Variants in CACNA1E observed in about 807,000 individuals in gnomAD.
CACNA1E encodes voltage-dependent R-type calcium channel subunit alpha-1E.
CACNA1E carries 40 observed loss-of-function variants against 259.2 expected under a neutral mutation model. The ratio of observed to expected loss-of-function variants is 0.15; its 90% CI spans 0.12 to 0.20. The LOEUF is 0.20. Ranked by LOEUF, CACNA1E falls within the 10% of genes least tolerant of loss-of-function variation. The pLI is 1.00. For missense variants in CACNA1E, 1,874 were observed against 3,040.1 expected (o/e 0.62, Z 9.02); for synonymous variants, 1,104 against 1,138.5 (o/e 0.97, Z 0.61).
intron 1 of CACNA1E, among the ~76,000 whole-genome samples, chr1:181,488,910 A>C (rs1405068656): frequency 6.6e-6 from 1 of 152,096 alleles, no homozygotes; most frequent in Non-Finnish European, 1.5e-5. Context: ...TTCCCCCTCA[A>C]ATTCTGCTGC....
At chr1:181,618,916 A>G (rs868320935) in intron 6 of CACNA1E, among the ~76,000 whole-genome samples, 1 of 152,256 alleles carries the variant, frequency 6.6e-6, no homozygotes, top group African/African-American at 2.4e-5. Flanking sequence ...CTAAAGTACT[A>G]CAAAAATTAT....
At position 181,711,048 on chromosome 1, in the gene CACNA1E, C is replaced by T. The variant is rs773379517; in HGVS notation, c.1150C>T (p.Arg384Cys). The T allele has an allele frequency of 4.3e-6, 7 of 1,613,532 alleles. No individual in the cohort carries two copies. The highest frequency in any genetic ancestry group is 2.2e-5 in the South Asian group (2 of 91,072). Residue 384 changes from arginine to cysteine, a missense_variant, in exon 8 of 48, where the codon CGT (arginine) becomes TGT (cysteine). Coordinates refer to ENST00000367573, the MANE Select transcript of CACNA1E (RefSeq NM_001205293.3). ...QQIERELNGYRAWIDKAEEVM... is the reference protein window; with the variant it reads ...QQIERELNGYCAWIDKAEEVM... ...GATTGAGCGTGAGCTGAATGGCTAC[C>T]GTGCCTGGATAGACAAAGCAGGTAG...
At chr1:181,378,944 A>G (rs1172954647) in intron 1 of CACNA1E, among the ~76,000 whole-genome samples, 1 of 152,132 alleles carries the variant, frequency 6.6e-6, no homozygotes, top group Non-Finnish European at 1.5e-5. Flanking sequence ...ATAAAGTAAA[A>G]TTCACAATGT....
At chr1:181,664,079 C>A (rs1192422098) in intron 7 of CACNA1E, among the ~76,000 whole-genome samples, 1 of 152,100 alleles carries the variant, frequency 6.6e-6, no homozygotes, top group Non-Finnish European at 1.5e-5. Context: ...GTGTTTGATT[C>A]CCACAATAAT....
At chr1:181,666,612 A>G (rs1648252553) in intron 7 of CACNA1E, among the ~76,000 whole-genome samples, 1 of 152,126 alleles carries the variant, frequency 6.6e-6, no homozygotes, top group African/African-American at 2.4e-5. Flanking sequence ...CTTAAAGAAC[A>G]ATGAGGAACA....
chr1:181,420,550 A>G (rs1658650114), intron 2 of CACNA1E, among the ~76,000 whole-genome samples: 1 of 152,228 alleles, frequency 6.6e-6, no homozygotes, highest in South Asian at 2.1e-4. Flanking sequence ...AGCTGTTATT[A>G]TTTATAATTT....
chr1:181,717,962 G>A, intron 11 of CACNA1E, 93 bp from the exon 12 acceptor site: 1 of 664,404 alleles, frequency 1.5e-6, no homozygotes. Flanking sequence ...GACGTGTGTT[G>A]TTGTGAGATC....
chr1:181,548,712 A>T (rs1482522457), intron 3 of CACNA1E, among the ~76,000 whole-genome samples: 2 of 152,232 alleles, frequency 1.3e-5, no homozygotes, highest in East Asian at 1.9e-4. Context: ...ACTGGGACTA[A>T]GGCCAGGCTA....
At chr1:181,782,806 C>T (rs1340074464) in intron 39 of CACNA1E, among the ~76,000 whole-genome samples, 2 of 152,142 alleles carry the variant, frequency 1.3e-5, no homozygotes, top group Non-Finnish European at 2.9e-5. Context: ...TGGCCACATC[C>T]AAAAGTACCA....
intron 15 of CACNA1E, 128 bp from the exon 16 acceptor site, chr1:181,721,630 C>A: frequency 3.1e-5 from 15 of 486,714 alleles, no homozygotes; most frequent in East Asian, 9.8e-5. Flanking sequence ...TTTTTTTTAA[C>A]TCCCTGGCAA....
rs774338072 is a variant in CACNA1E, at chr1:181,776,110, C to A, written c.5149C>A (p.Leu1717Met). 1 of 1,613,356 alleles carries A rather than the reference C, an allele frequency of 6.2e-7. No individual in the cohort carries two copies. The part of the protein sequence containing the change: ...IFFCSFLMLN[L>M]FVAVIMDNFE... ...TCCCCTTGCCCTTCAGATGCTCAAC[C>A]TGTTTGTGGCCGTCATCATGGACAA... is the stretch of plus-strand genomic sequence containing the variant. The change falls in exon 38 of 48, where the codon CTG (leucine) becomes ATG (methionine). Residue 1717 changes from leucine (L) to methionine (M), a missense_variant. This residue lies in a region of CACNA1E where 147 missense variants were observed against 337.1 expected (regional missense o/e 0.44). Transcript: ENST00000367573. The surrounding 1 kb of genome is among the most constrained non-coding windows in gnomAD (Gnocchi z 4.4).
At chr1:181,412,433 G>A (rs1478411572) in intron 1 of CACNA1E, among the ~76,000 whole-genome samples, 1 of 152,170 alleles carries the variant, frequency 6.6e-6, no homozygotes, top group Non-Finnish European at 1.5e-5. Context: ...TGCTGGATGT[G>A]GTGGTGTGTG....
chr1:181,575,572 T>C (rs1345847190), intron 3 of CACNA1E, among the ~76,000 whole-genome samples: 1 of 152,236 alleles, frequency 6.6e-6, no homozygotes, highest in Non-Finnish European at 1.5e-5. Context: ...TTTAATTTTA[T>C]CTTTCTGCCT....
chr1:181,361,401 C>T (rs866514103), intron 1 of CACNA1E, among the ~76,000 whole-genome samples: 18 of 152,122 alleles, frequency 1.2e-4, no homozygotes, highest in Non-Finnish European at 1.3e-4. Context: ...GGCAGGGACC[C>T]CTTTCCTGGA....
At chr1:181,494,194 G>A (rs1664544722) in intron 1 of CACNA1E, among the ~76,000 whole-genome samples, 1 of 152,120 alleles carries the variant, frequency 6.6e-6, no homozygotes, top group South Asian at 2.1e-4. Context: ...CATAATTTTA[G>A]TATTGGTTTA....
chr1:181,701,484 CAT>C (rs1558282483), intron 7 of CACNA1E, among the ~76,000 whole-genome samples: 2 of 152,292 alleles, frequency 1.3e-5, no homozygotes, highest in African/African-American at 4.8e-5. Flanking sequence ...GTGACTGAAA[CAT>C]ACACTGTTAT....
intron 3 of CACNA1E, among the ~76,000 whole-genome samples, chr1:181,567,866 A>G (rs2102920690): frequency 6.6e-6 from 1 of 152,314 alleles, no homozygotes; most frequent in Non-Finnish European, 1.5e-5. Context: ...GAAGAATTGA[A>G]GAGAAAACAT....
At chr1:181,793,219 G>A (rs1313613446) in intron 44 of CACNA1E, among the ~76,000 whole-genome samples, 1 of 152,212 alleles carries the variant, frequency 6.6e-6, no homozygotes, top group Non-Finnish European at 1.5e-5. Flanking sequence ...GGCTTGAGAA[G>A]ACGTATTTGA....
intron 1 of CACNA1E, among the ~76,000 whole-genome samples, chr1:181,504,846 C>T (rs1037059246): frequency 2.0e-5 from 3 of 152,120 alleles, no homozygotes; most frequent in Non-Finnish European, 4.4e-5. Flanking sequence ...TTATCATTTC[C>T]CTAATGATTG....
Sources: gnomAD v4.1 joint callset for allele counts (sites outside exome capture counted in the v4.1 genomes callset) on GRCh38, gnomAD v4.1.1 for gene constraint, gnomAD v4.1.1 regional missense constraint, Gnocchi (gnomAD v3.1) non-coding constraint, MANE v1.5 for transcripts, NCBI Gene and HGNC (gene_info 2026-07-23, HGNC 2026-07-21) for gene names.